MYO7A: variants seen among roughly 807,000 people sequenced by gnomAD.
MYO7A encodes myosin VIIA.
Under a neutral mutation model 263.8 loss-of-function variants are expected in MYO7A, and 210 were observed. The ratio of observed to expected loss-of-function variants is 0.80; its 90% confidence interval spans 0.71 to 0.89. MYO7A has a LOEUF of 0.89. Among genes scored for constraint, MYO7A ranks in the 40% least tolerant of loss-of-function variants. The pLI is 0.00. For synonymous variants in MYO7A, 1,239 were observed against 1,197.3 expected (o/e 1.03, Z -0.72); for missense variants, 2,820 against 2,968.3 (o/e 0.95, Z 1.16).
At chr11:77,181,922 C>T in intron 23 of MYO7A, 29 bp from the exon 24 acceptor site, 1 of 1,607,882 alleles carries the variant, frequency 6.2e-7, no homozygotes, top group Non-Finnish European at 8.5e-7. Flanking sequence ...GTAGCTGGGA[C>T]TCCAGGGCAT....
At position 77,203,202 on chromosome 11, in the gene MYO7A, T is replaced by G. The variant is rs1169068776; in HGVS notation, c.5311T>G (p.Cys1771Gly). The G allele has an allele frequency of 6.4e-7, 1 of 1,553,176 alleles. No homozygotes were observed. ...LGSEELSQEA[C>G]LAFIAVLKYM... ...CAGTGAGGAGCTCTCGCAGGAGGCC[T>G]GCCTGGCCTTCATTGATATCCGTGC... Residue 1771 changes from cysteine to glycine, a missense_variant, in exon 38 of 49, where the codon TGC (cysteine) becomes GGC (glycine). Physicochemically the swap from Cys to Gly is radical, Grantham distance 159 (BLOSUM62 -3). Transcript: ENST00000409709.
chr11:77,160,139 C>T, intron 10 of MYO7A, 24 bp from the exon 11 acceptor site: 1 of 1,544,342 alleles, frequency 6.5e-7, no homozygotes, highest in Non-Finnish European at 8.7e-7. Context: ...GGCAGGTGAG[C>T]ACCTGGGGTG....
At chr11:77,156,632 C>T (rs1555062349) in intron 5 of MYO7A, 28 bp from the exon 6 acceptor site, 3 of 1,610,958 alleles carry the variant, frequency 1.9e-6, no homozygotes. Flanking sequence ...TGGGTTGTGA[C>T]AGGTCCTGCC....
chr11:77,185,495 C>T (rs1199096840), intron 27 of MYO7A, among the ~76,000 whole-genome samples: 1 of 152,208 alleles, frequency 6.6e-6, no homozygotes, highest in Non-Finnish European at 1.5e-5. Flanking sequence ...ACTCCTCATC[C>T]ACTGAAATTT....
chr11:77,182,991 C>T lies in MYO7A; in HGVS notation c.3286-77C>T, dbSNP rs530062322. The T allele has an allele frequency of 1.8e-3, 2,324 of 1,269,246 alleles. 10 individuals carry two copies. The highest frequency in any genetic ancestry group is 5.5e-3 in the South Asian group (429 of 77,934). The allele number at this position is 1,269,246 out of a possible 1,614,324, so 78.6% of individuals were successfully genotyped here. A position where few individuals can be genotyped will look rare whatever the true frequency, so the allele number is the denominator to read the frequency against. ...TTCACGTGGAAGCGAGACGGTTCCC[C>T]GCAAAGTCTTGCTGTCGGGGGTCTC... On this transcript the variant is annotated intron_variant, in intron 25 of 48. Transcript: ENST00000409709.
chr11:77,198,664 G>A (rs1956856325), intron 34 of MYO7A, 43 bp downstream of exon 34: 1 of 1,611,026 alleles, frequency 6.2e-7, no homozygotes, highest in Admixed American at 1.7e-5. Context: ...AGAGGGGAAG[G>A]AGAGGGGCTG....
At chr11:77,200,977 C>G (rs771697722) in intron 35 of MYO7A, among the ~76,000 whole-genome samples, 2 of 152,226 alleles carry the variant, frequency 1.3e-5, no homozygotes, top group Non-Finnish European at 2.9e-5. Flanking sequence ...TGTGACAGTG[C>G]AGTGAGCAGG....
At chr11:77,150,975 C>T (rs1441617674) in intron 4 of MYO7A, among the ~76,000 whole-genome samples, 1 of 152,164 alleles carries the variant, frequency 6.6e-6, no homozygotes, top group African/African-American at 2.4e-5. Flanking sequence ...GGGCACAACA[C>T]GTGCGCTCAG....
chr11:77,148,217 C>A (rs753040220), intron 4 of MYO7A, among the ~76,000 whole-genome samples: 1 of 152,234 alleles, frequency 6.6e-6, no homozygotes, highest in South Asian at 2.1e-4. Context: ...TTTCATGTGC[C>A]TCTCTAGGCC....
At chr11:77,177,490 T>C in intron 18 of MYO7A, 59 bp from the exon 19 acceptor site, 1 of 1,336,804 alleles carries the variant, frequency 7.5e-7, no homozygotes, top group Non-Finnish European at 1.1e-6. Flanking sequence ...CCACTGGGAC[T>C]GAGCAGGTGG....
At chr11:77,148,138 G>T (rs1230251513) in intron 4 of MYO7A, among the ~76,000 whole-genome samples, 188 bp downstream of exon 4, 3 of 152,222 alleles carry the variant, frequency 2.0e-5, no homozygotes, top group Admixed American at 2.0e-4. Context: ...GCTCGGCGGG[G>T]TCTCATCCTC....
Position 77,190,879 on chromosome 11 carries a change from GC to G in MYO7A, c.3924+12del. 1 of 1,548,076 alleles carries G rather than the reference GC, an allele frequency of 6.5e-7. No homozygotes were observed. Among genetic ancestry groups the G allele is most frequent in the East Asian group, 2.4e-5 (1 of 41,718 alleles). On this transcript the variant is annotated intron_variant, in intron 30 of 48. Coordinates refer to ENST00000409709, the MANE Select transcript of MYO7A (RefSeq NM_000260.4). ...TTGCCCTGTTTGACAAGGTATGGCCGCCCGGAAGCACCTCCTCCCGGAAGCA... is the reference window on the plus strand; with the variant it reads ...TTGCCCTGTTTGACAAGGTATGGCCGCCGGAAGCACCTCCTCCCGGAAGCA...
chr11:77,193,988 A>G (rs1956442734), intron 31 of MYO7A: 1 of 487,704 alleles, frequency 2.1e-6, no homozygotes, highest in Non-Finnish European at 4.0e-6. Context: ...CAGGGCAGAC[A>G]CTTCCTCTTC....
rs1289353930 is a variant in MYO7A at position 77,199,626 on chromosome 11, T to G, written c.4660T>G (p.Cys1554Gly). ...GGCAGGACTGACCCCGGCGGGGCCC[T>G]GTTCTCCGTGTTGGTCCTGCAGGGG... ...GWAGLTPAGP[C>G]SPCWSCRGAK... Residue 1554 changes from cysteine to glycine, a missense_variant, in exon 35 of 49, where the codon TGT (cysteine) becomes GGT (glycine). Cys to Gly is a radical substitution (Grantham distance 159). Coordinates refer to ENST00000409709, the MANE Select transcript of MYO7A (RefSeq NM_000260.4). 1.9e-6 allele frequency: 3 copies of G among 1,608,960 alleles called. No individual in the cohort carries two copies. The African/African-American group carries it at 4.0e-5, about 21-fold the overall frequency.
At chr11:77,169,252 T>A (rs1415807549) in intron 15 of MYO7A, among the ~76,000 whole-genome samples, 4 of 152,226 alleles carry the variant, frequency 2.6e-5, no homozygotes, top group Non-Finnish European at 4.4e-5. Flanking sequence ...AGCCTTTGAC[T>A]CCTACATCTG....
chr11:77,160,680 T>C (rs1555067919), intron 11 of MYO7A, among the ~76,000 whole-genome samples: 1 of 151,862 alleles, frequency 6.6e-6, no homozygotes, highest in East Asian at 1.9e-4. Flanking sequence ...ATAAACAGGG[T>C]TGGACATAGA....
intron 30 of MYO7A, chr11:77,191,292 C>T: frequency 6.3e-6 from 1 of 159,734 alleles, no homozygotes; most frequent in Non-Finnish European, 1.4e-5. Flanking sequence ...TGCACTCCAG[C>T]CTGGGCGACA....
chr11:77,158,766 C>G (rs1382957774), intron 9 of MYO7A, among the ~76,000 whole-genome samples: 1 of 152,196 alleles, frequency 6.6e-6, no homozygotes, highest in Non-Finnish European at 1.5e-5. Flanking sequence ...AACTAATTCA[C>G]TCTAAGGTGT....
intron 3 of MYO7A, among the ~76,000 whole-genome samples, chr11:77,146,162 T>C (rs1180143936): frequency 6.6e-6 from 1 of 152,070 alleles, no homozygotes; most frequent in Non-Finnish European, 1.5e-5. Context: ...AGAAAGAAGG[T>C]AGAGGGAACA....
Sources: allele counts gnomAD v4.1 joint callset (sites outside exome capture counted in the v4.1 genomes callset), GRCh38; gene constraint gnomAD v4.1.1; transcripts MANE v1.5; gene names NCBI Gene and HGNC (gene_info 2026-07-23, HGNC 2026-07-21).